Variants in KCNAB1 observed in about 807,000 individuals in gnomAD.
KCNAB1 encodes the protein voltage-gated potassium channel subunit beta-1.
KCNAB1 carries 35 observed loss-of-function variants against 64.6 expected under a neutral mutation model. That is an observed-to-expected ratio of 0.54 (90% CI 0.41 to 0.72). The LOEUF (loss-of-function observed/expected upper bound fraction) is 0.72. Ranked by LOEUF, KCNAB1 falls within the 30% of genes least tolerant of loss-of-function variation. The pLI, the probability that KCNAB1 is intolerant of heterozygous loss-of-function variation, is 0.00. For synonymous variants in KCNAB1, 177 were observed against 183.8 expected (o/e 0.96, Z 0.30); for missense variants, 401 against 512.9 (o/e 0.78, Z 2.11).
intron 1 of KCNAB1, among the ~76,000 whole-genome samples, chr3:156,336,979 T>A (rs545696535): frequency 1.3e-5 from 2 of 152,374 alleles, no homozygotes; most frequent in African/African-American, 4.8e-5. Flanking sequence ...AAAATGCTAT[T>A]GTAGTGTGAA....
At chr3:156,139,126 T>C (rs943107681) in intron 1 of KCNAB1, among the ~76,000 whole-genome samples, 2 of 152,230 alleles carry the variant, frequency 1.3e-5, no homozygotes, top group Admixed American at 6.5e-5. Context: ...TCTTACCACA[T>C]TGAGCTTAAA....
At chr3:156,494,698 A>AT (rs1468523656) in intron 8 of KCNAB1, among the ~76,000 whole-genome samples, 1 of 152,166 alleles carries the variant, frequency 6.6e-6, no homozygotes, top group Non-Finnish European at 1.5e-5. Flanking sequence ...CACACTGAGC[A>AT]GCCATCTGTA....
At chr3:156,334,721 C>T (rs1176136971) in intron 1 of KCNAB1, among the ~76,000 whole-genome samples, 2 of 152,060 alleles carry the variant, frequency 1.3e-5, no homozygotes, top group African/African-American at 2.4e-5. Flanking sequence ...AAATCAACAC[C>T]GGTTGGAAAT....
chr3:156,247,761 C>T (rs575261187), intron 1 of KCNAB1, among the ~76,000 whole-genome samples: 56 of 152,156 alleles, frequency 3.7e-4, no homozygotes, highest in African/African-American at 1.1e-3. Flanking sequence ...AGACAGGGTT[C>T]GCCATGTTGC....
chr3:156,197,362 G>A (rs2108371307), intron 1 of KCNAB1, among the ~76,000 whole-genome samples: 1 of 152,238 alleles, frequency 6.6e-6, no homozygotes, highest in East Asian at 1.9e-4. Context: ...CTGTTGTTTG[G>A]AATGGTTTCA....
chr3:156,312,862 T>A (rs1722022419), intron 1 of KCNAB1, among the ~76,000 whole-genome samples: 1 of 152,120 alleles, frequency 6.6e-6, no homozygotes, highest in African/African-American at 2.4e-5. Flanking sequence ...TTGTGGAAAT[T>A]TCTCTCAAGG....
intron 1 of KCNAB1, among the ~76,000 whole-genome samples, chr3:156,195,798 G>T (rs1009297344): frequency 1.3e-5 from 2 of 151,922 alleles, no homozygotes; most frequent in Admixed American, 6.6e-5. Context: ...TTAATTAGAG[G>T]CCATTTGTCA....
At chr3:156,487,249 C>T (rs1436658961) in intron 8 of KCNAB1, among the ~76,000 whole-genome samples, 1 of 152,120 alleles carries the variant, frequency 6.6e-6, no homozygotes, top group Admixed American at 6.6e-5. Context: ...GTATAAAATT[C>T]ATACATTATA....
intron 1 of KCNAB1, among the ~76,000 whole-genome samples, chr3:156,387,463 A>G (rs1168214488): frequency 1.3e-5 from 2 of 152,168 alleles, no homozygotes; most frequent in African/African-American, 4.8e-5. Context: ...ATCCAGTGGC[A>G]TTTCCCATTA....
At chr3:156,421,415 G>A (rs1323562028) in intron 1 of KCNAB1, among the ~76,000 whole-genome samples, 1 of 152,174 alleles carries the variant, frequency 6.6e-6, no homozygotes, top group East Asian at 1.9e-4. Flanking sequence ...TCTGTGCTGC[G>A]CCTGAACAGA....
intron 8 of KCNAB1, among the ~76,000 whole-genome samples, chr3:156,511,745 T>C (rs1349961824): frequency 2.0e-5 from 3 of 152,250 alleles, no homozygotes; most frequent in South Asian, 4.1e-4. Flanking sequence ...TTACTAATGA[T>C]TCTCCACAGC....
chr3:156,247,274 C>T (rs953251311), intron 1 of KCNAB1, among the ~76,000 whole-genome samples: 1 of 152,242 alleles, frequency 6.6e-6, no homozygotes, highest in East Asian at 1.9e-4. Flanking sequence ...TATGCAAAGC[C>T]TTATGAAGAC....
intron 1 of KCNAB1, among the ~76,000 whole-genome samples, chr3:156,246,343 C>G (rs563937374): frequency 1.3e-5 from 2 of 152,132 alleles, no homozygotes; most frequent in African/African-American, 2.4e-5. Context: ...CGGTGGCTCA[C>G]GCCTGTAATC....
intron 1 of KCNAB1, among the ~76,000 whole-genome samples, chr3:156,199,604 G>A (rs762784861): frequency 1.1e-4 from 17 of 151,962 alleles, no homozygotes; most frequent in Non-Finnish European, 1.5e-4. Context: ...CCACTTAATC[G>A]ATTTGGTTAT....
At chr3:156,250,753 T>A (rs1422206080) in intron 1 of KCNAB1, among the ~76,000 whole-genome samples, 1 of 152,078 alleles carries the variant, frequency 6.6e-6, no homozygotes, top group Non-Finnish European at 1.5e-5. Flanking sequence ...CCCTGTCAGC[T>A]AGATGAGCTA....
intron 1 of KCNAB1, among the ~76,000 whole-genome samples, chr3:156,393,363 C>T (rs772785361): frequency 4.1e-4 from 62 of 152,194 alleles, no homozygotes; most frequent in Non-Finnish European, 7.4e-4. Flanking sequence ...CTCACTTCTG[C>T]ACCTTCTCTA....
At chr3:156,251,185 A>G (rs913114313) in intron 1 of KCNAB1, among the ~76,000 whole-genome samples, 12 of 152,250 alleles carry the variant, frequency 7.9e-5, no homozygotes, top group African/African-American at 2.4e-4. Flanking sequence ...GCTTGCAAAT[A>G]TACAATTAAG....
At chr3:156,256,070 G>C (rs1272614959) in intron 1 of KCNAB1, among the ~76,000 whole-genome samples, 1 of 152,118 alleles carries the variant, frequency 6.6e-6, no homozygotes, top group Non-Finnish European at 1.5e-5. Context: ...CCTAGAAAAA[G>C]GCAGAAAAAA....
At chr3:156,331,843 A>AGG (rs1723355356) in intron 1 of KCNAB1, among the ~76,000 whole-genome samples, 1 of 152,150 alleles carries the variant, frequency 6.6e-6, no homozygotes, top group African/African-American at 2.4e-5. Flanking sequence ...GTTTAGCGGC[A>AGG]GGGGGTCAAA....
Sources: gnomAD v4.1 joint callset for allele counts (sites outside exome capture counted in the v4.1 genomes callset) on GRCh38, gnomAD v4.1.1 for gene constraint, MANE v1.5 for transcripts, NCBI Gene and HGNC (gene_info 2026-07-23, HGNC 2026-07-21) for gene names.